MAN1B1: variants seen among roughly 807,000 people sequenced by gnomAD.
MAN1B1 encodes the protein endoplasmic reticulum mannosyl-oligosaccharide 1,2-alpha-mannosidase.
Under a neutral mutation model 75.5 loss-of-function variants are expected in MAN1B1, and 66 were observed. That is an observed-to-expected ratio of 0.87 (90% CI 0.72 to 1.07). MAN1B1 has a LOEUF of 1.07. Ranked by LOEUF, MAN1B1 falls within the 50% of genes least tolerant of loss-of-function variation. MAN1B1 has a pLI of 0.00. For missense variants in MAN1B1, 973 were observed against 912.5 expected, an observed-to-expected ratio of 1.07 and a Z score of -0.85; for synonymous variants, 453 against 382.8, an observed-to-expected ratio of 1.18 and a Z score of -2.14.
At chr9:137,102,841 C>G (rs142818580) in intron 8 of MAN1B1, 5 of 286,520 alleles carry the variant, frequency 1.7e-5, no homozygotes, top group African/African-American at 7.7e-5. Context: ...CACACATTCA[C>G]ACTGTTGCAG....
At chr9:137,099,342 T>G (rs1219647472) in intron 5 of MAN1B1, among the ~76,000 whole-genome samples, 1 of 152,262 alleles carries the variant, frequency 6.6e-6, no homozygotes, top group Non-Finnish European at 1.5e-5. Context: ...CCCAGCGCCC[T>G]TGGGGCAGCC....
At chr9:137,089,851 C>T (rs151258811) in intron 3 of MAN1B1, among the ~76,000 whole-genome samples, 4,309 of 152,110 alleles carry the variant, frequency 0.028, 92 homozygotes, top group Middle Eastern at 0.071. Flanking sequence ...CTTGGGGACA[C>T]TGAGGAGCTC....
chr9:137,097,304 C>T (rs1830677713), intron 4 of MAN1B1, among the ~76,000 whole-genome samples: 1 of 152,214 alleles, frequency 6.6e-6, no homozygotes, highest in Non-Finnish European at 1.5e-5. Flanking sequence ...CCACAGGGCC[C>T]CAAGAGAACG....
chr9:137,101,777 G>T (rs1465677533), intron 8 of MAN1B1, 105 bp downstream of exon 8: 3 of 1,330,248 alleles, frequency 2.3e-6, no homozygotes, highest in Middle Eastern at 3.6e-4. Flanking sequence ...GTGTTTTCAG[G>T]TTTTTTACTG....
chr9:137,090,177 G>A (rs959539729), intron 3 of MAN1B1, among the ~76,000 whole-genome samples: 2 of 152,140 alleles, frequency 1.3e-5, no homozygotes, highest in South Asian at 2.1e-4. Flanking sequence ...CCCCGACACC[G>A]TTGAGAACAC....
At chr9:137,094,389 G>C in intron 3 of MAN1B1, 2 of 501,628 alleles carry the variant, frequency 4.0e-6, no homozygotes, top group Non-Finnish European at 8.0e-6. Flanking sequence ...CTTCCACTGT[G>C]GACTCAATAG....
At chr9:137,088,827 G>A (rs781101074) in intron 2 of MAN1B1, 42 bp from the exon 3 acceptor site, 7 of 1,611,070 alleles carry the variant, frequency 4.3e-6, no homozygotes, top group African/African-American at 2.7e-5. Context: ...TCTCTTGTAG[G>A]CCTTGTGGCA....
chr9:137,102,476 T>C lies in MAN1B1; in HGVS notation c.1254+804T>C, dbSNP rs1376480133. 1.3e-5 allele frequency: 5 copies of C among 393,212 alleles called. No homozygotes were observed. The East Asian group carries it at 4.3e-4, about 33-fold the overall frequency. 24.4% of individuals were successfully genotyped at this position (393,212 alleles called of 1,614,324 possible). On this transcript the variant is annotated intron_variant, in intron 8 of 12. Transcript: ENST00000371589. ...GTGCAGGTCGGTGGTGTTACACACA[T>C]TCATTCTGTTGCAGGCGTGCAGGTC...
chr9:137,091,856 C>T (rs1830526325), intron 3 of MAN1B1, among the ~76,000 whole-genome samples: 1 of 152,104 alleles, frequency 6.6e-6, no homozygotes, highest in African/African-American at 2.4e-5. Context: ...TGAGGTCTCA[C>T]TATGTTGCCC....
In MAN1B1 at chr9:137,103,188, TCA is replaced by T. The variant is rs562786351; in HGVS notation, c.1254+1520_1254+1521del. ...GCGTGCAGGTCGGTGGTACACACATTCACACTGTTGCAGGCGTGCAGGTCGGT... is the reference window on the plus strand; with the variant it reads ...GCGTGCAGGTCGGTGGTACACACATTCACTGTTGCAGGCGTGCAGGTCGGT... On this transcript the variant is annotated intron_variant, in intron 8 of 12. Transcript: ENST00000371589. The T allele has an allele frequency of 1.1e-3, 405 of 359,824 alleles. 6 individuals carry two copies. In the African/African-American group the frequency reaches 0.013, roughly 12 times the overall value. 22.3% of individuals were successfully genotyped at this position (359,824 alleles called of 1,614,324 possible).
intron 4 of MAN1B1, 28 bp downstream of exon 4, chr9:137,096,419 C>G: frequency 6.2e-7 from 1 of 1,610,602 alleles, no homozygotes; most frequent in Non-Finnish European, 8.5e-7. Context: ...GGCTGCACGC[C>G]GCCGCTCAGG....
chr9:137,089,211 C>G (rs1830458931), intron 3 of MAN1B1: 1 of 660,546 alleles, frequency 1.5e-6, no homozygotes, highest in South Asian at 1.7e-5. Flanking sequence ...ATGGCCAGTT[C>G]CGGTTTTACT....
rs376574881 is a variant in MAN1B1 at position 137,107,073 on chromosome 9, G to A, written c.1567-177G>A. ...GGTCCTCGGGCGGTGTGTGGGGGCC[G>A]GGTTGGAGGGCCTGGTCCAGGCAGC... On this transcript the variant is annotated intron_variant, in intron 10 of 12. Coordinates refer to ENST00000371589, the MANE Select transcript of MAN1B1 (RefSeq NM_016219.5). The A allele has an allele frequency of 5.5e-4, 430 of 777,704 alleles. 6 individuals are homozygous for A. The South Asian group carries it at 6.9e-3, about 13-fold the overall frequency. The allele number at this position is 777,704 out of a possible 1,614,324, so 48.2% of individuals were successfully genotyped here.
intron 8 of MAN1B1, chr9:137,105,552 C>T (rs1056442317): frequency 7.2e-6 from 2 of 277,750 alleles, no homozygotes; most frequent in African/African-American, 2.3e-5. Flanking sequence ...AGACCCGGAG[C>T]GCCCTTGCTG....
intron 9 of MAN1B1, 28 bp downstream of exon 9, chr9:137,106,343 C>T: frequency 6.5e-7 from 1 of 1,538,470 alleles, no homozygotes; most frequent in Non-Finnish European, 8.8e-7. Context: ...GCCCCCAGCT[C>T]CCGCGGCTCC....
At chr9:137,088,560 G>T in intron 2 of MAN1B1, 1 of 859,222 alleles carries the variant, frequency 1.2e-6, no homozygotes. Flanking sequence ...TTCTCACTTG[G>T]TCTAAGATGC....
chr9:137,106,519 G>A (rs1460709853), intron 9 of MAN1B1, 170 bp from the exon 10 acceptor site: 18 of 1,152,106 alleles, frequency 1.6e-5, no homozygotes, highest in Non-Finnish European at 2.3e-5. Context: ...CTCTGGGGGG[G>A]TGAGGGGGGC....
At chr9:137,092,724 CAGT>C (rs1830547967) in intron 3 of MAN1B1, among the ~76,000 whole-genome samples, 2 of 152,324 alleles carry the variant, frequency 1.3e-5, no homozygotes, top group South Asian at 4.1e-4. Context: ...GAGTAGCAGT[CAGT>C]GGTGCCATGG....
intron 6 of MAN1B1, among the ~76,000 whole-genome samples, chr9:137,100,168 G>C (rs1588600513): frequency 1.3e-5 from 2 of 152,344 alleles, no homozygotes; most frequent in East Asian, 3.9e-4. Flanking sequence ...CTTGCAGCTG[G>C]GGGTGGTGGG....
Sources: gnomAD v4.1 joint callset for allele counts (sites outside exome capture counted in the v4.1 genomes callset) on GRCh38, gnomAD v4.1.1 for gene constraint, MANE v1.5 for transcripts, NCBI Gene and HGNC (gene_info 2026-07-23, HGNC 2026-07-21) for gene names.